The following UST variants were observed in gnomAD, a reference collection of about 807,000 sequenced individuals.
UST encodes the protein chondroitin sulfate 2-O-sulfotransferase.
Under a neutral mutation model 45.6 loss-of-function variants are expected in UST, and 21 were observed. The ratio of observed to expected loss-of-function variants is 0.46; its 90% CI spans 0.33 to 0.66. UST has a LOEUF of 0.66. Among genes scored for constraint, UST ranks in the 30% least tolerant of loss-of-function variants. The pLI, the probability that UST is intolerant of heterozygous loss-of-function variation, is 0.02. For missense variants in UST, 463 were observed against 512.4 expected (o/e 0.90, Z 0.93); for synonymous variants, 215 against 200.6 (o/e 1.07, Z -0.61).
At chr6:148,964,784 G>A in intron 5 of UST, 1 of 603,614 alleles carries the variant, frequency 1.7e-6, no homozygotes, top group Non-Finnish European at 2.8e-6. Context: ...TTCTGATTTT[G>A]CTTTGCTCAG....
rs12174263 is a variant in UST at position 148,934,851 on chromosome 6, A to G, written c.292-6428A>G. 0.12 allele frequency among the ~76,000 whole-genome samples: 17,718 copies of G among 152,158 alleles called. 2,703 individuals carry two copies. The highest frequency in any genetic ancestry group is 0.35 in the African/African-American group (14,348 of 41,454). ...TGGCCCAGAAATCTGCATTTTTAAA[A>G]GTTCTGTGAGGAATTTGAATATACA... On this transcript the variant is annotated intron_variant, in intron 2 of 7. Coordinates refer to ENST00000367463, the MANE Select transcript of UST (RefSeq NM_005715.3). This position sits in a 1 kb window ranked among gnomAD's most constrained non-coding sequence, Gnocchi z 4.1.
At chr6:149,058,344 CATGTGTGTGTGTGTGTGTGT>C (rs1776599103) in intron 7 of UST, among the ~76,000 whole-genome samples, 1 of 126,662 alleles carries the variant, frequency 7.9e-6, no homozygotes, top group Non-Finnish European at 1.6e-5. Context: ...AAAGGAGGAG[CATGTGTGTGTGTGTGTGTGT>C]GTGTGTGTGT....
At chr6:148,812,041 C>T (rs1393978062) in intron 1 of UST, among the ~76,000 whole-genome samples, 1 of 152,118 alleles carries the variant, frequency 6.6e-6, no homozygotes, top group African/African-American at 2.4e-5. Flanking sequence ...AGTGCATTTG[C>T]AATTTGTATT....
chr6:149,069,268 G>C (rs192281576), intron 7 of UST, among the ~76,000 whole-genome samples: 17 of 152,240 alleles, frequency 1.1e-4, no homozygotes, highest in African/African-American at 3.9e-4. Context: ...ATAGTAGAAG[G>C]GTTGCTGGAT....
At chr6:149,003,998 G>A (rs903411626) in intron 5 of UST, among the ~76,000 whole-genome samples, 7 of 152,116 alleles carry the variant, frequency 4.6e-5, no homozygotes, top group Admixed American at 2.0e-4. Flanking sequence ...CCGAATTACA[G>A]CAACTTAAAT....
intron 5 of UST, among the ~76,000 whole-genome samples, chr6:148,980,925 G>A (rs1116528): frequency 0.74 from 112,942 of 151,688 alleles, 42,108 homozygotes; most frequent in South Asian, 0.83. Flanking sequence ...AGGTCTCACT[G>A]TGTTACCCAG....
At chr6:148,944,543 A>ACACG in intron 3 of UST, among the ~76,000 whole-genome samples, 1 of 151,870 alleles carries the variant, frequency 6.6e-6, no homozygotes, top group Admixed American at 6.6e-5. Context: ...ACACACACAC[A>ACACG]CACAGAGCTA....
chr6:148,919,488 C>T (rs948162765), intron 2 of UST, among the ~76,000 whole-genome samples: 1 of 152,040 alleles, frequency 6.6e-6, no homozygotes, highest in African/African-American at 2.4e-5. Flanking sequence ...ACTATCAACA[C>T]CTGCTTCTAT....
rs1443900449 is a variant in UST, at chr6:148,747,647, C to G, written c.217C>G (p.Arg73Gly). ...CTATCAGCTCAGCGGGGGACCCCCT[C>G]GCTTCCTGCTCGACCTGCGGCAGTA... ...LLYQLSGGPP[R>G]FLLDLRQYLG... Residue 73 changes from arginine to glycine, a missense_variant, in exon 1 of 8, where the codon CGC becomes GGC. Physicochemically the swap from Arg to Gly is moderately radical, Grantham distance 125. This residue lies in a region of UST where 176 missense variants were observed against 138.3 expected (regional missense o/e 1.27). Transcript: ENST00000367463. 2 of 1,598,922 alleles carry G rather than the reference C, an allele frequency of 1.3e-6. No individual in the cohort carries two copies. The highest frequency in any genetic ancestry group is 8.5e-7 in the Non-Finnish European group (1 of 1,174,368).
intron 5 of UST, among the ~76,000 whole-genome samples, chr6:148,982,963 A>G (rs1314772391): frequency 6.6e-6 from 1 of 152,220 alleles, no homozygotes; most frequent in Non-Finnish European, 1.5e-5. Context: ...TTGATAAAAG[A>G]CACCTCATTT....
rs140703659 is a variant in UST, at chr6:148,952,306, G to A, written c.448-1566G>A. 4.7e-3 allele frequency among the ~76,000 whole-genome samples: 716 copies of A among 152,248 alleles called. 2 individuals carry two copies. Among genetic ancestry groups the A allele is most frequent in the Non-Finnish European group, 6.1e-3 (417 of 68,002 alleles). On this transcript the variant is annotated intron_variant, in intron 3 of 7. Coordinates refer to ENST00000367463, the MANE Select transcript of UST (RefSeq NM_005715.3). The stretch of plus-strand genomic sequence containing the variant: ...AACAAGCACTTGCAGGTGGTGTGTC[G>A]AGGATAAACAGTAGATAAAGAGGCA...
chr6:148,823,745 G>T (rs973115021), intron 1 of UST, among the ~76,000 whole-genome samples: 3 of 152,148 alleles, frequency 2.0e-5, no homozygotes, highest in African/African-American at 7.2e-5. Flanking sequence ...CTCTCTGGTG[G>T]ATTTTATCTT....
At chr6:149,067,555 G>T (rs1217085138) in intron 7 of UST, among the ~76,000 whole-genome samples, 1 of 152,094 alleles carries the variant, frequency 6.6e-6, no homozygotes, top group Non-Finnish European at 1.5e-5. Flanking sequence ...CAAACATAGG[G>T]CTGGGCCTCC....
chr6:148,747,642 C>A lies in UST; in HGVS notation c.212C>A (p.Pro71His). 1 of 1,598,938 alleles carries A rather than the reference C, an allele frequency of 6.3e-7. No individual in the cohort carries two copies. Among genetic ancestry groups the A allele is most frequent in the Non-Finnish European group, 8.5e-7 (1 of 1,174,268 alleles). The change falls in exon 1 of 8, where the codon CCC becomes CAC. Residue 71 changes from proline to histidine, a missense_variant. Pro to His is a moderately conservative substitution (Grantham distance 77). Around this residue, in one of 2 missense-constraint regions of UST, gnomAD observed 176 missense variants for 138.3 expected, o/e 1.27. Coordinates refer to ENST00000367463, the MANE Select transcript of UST (RefSeq NM_005715.3). ...CTCCTCTATCAGCTCAGCGGGGGAC[C>A]CCCTCGCTTCCTGCTCGACCTGCGG... is the stretch of plus-strand genomic sequence containing the variant. ...GSLLYQLSGG[P>H]PRFLLDLRQY...
intron 5 of UST, among the ~76,000 whole-genome samples, chr6:148,974,734 G>T (rs1261641927): frequency 6.6e-6 from 1 of 152,194 alleles, no homozygotes; most frequent in African/African-American, 2.4e-5. Flanking sequence ...TCTGCAAGAA[G>T]CCCCAGCCGC....
chr6:148,759,513 C>A (rs1776164711), intron 1 of UST, among the ~76,000 whole-genome samples: 2 of 149,364 alleles, frequency 1.3e-5, no homozygotes, highest in African/African-American at 4.9e-5. Context: ...GGCGACAGAG[C>A]GAGACTCCAT....
chr6:148,794,409 A>G (rs997361183), intron 1 of UST, among the ~76,000 whole-genome samples: 1 of 152,210 alleles, frequency 6.6e-6, no homozygotes, highest in African/African-American at 2.4e-5. Context: ...TCCACTGAAG[A>G]GAAATTTATT....
chr6:148,892,702 T>G (rs1044623519), intron 2 of UST, among the ~76,000 whole-genome samples: 3 of 152,234 alleles, frequency 2.0e-5, no homozygotes, highest in East Asian at 1.9e-4. Context: ...TCAAGGAACA[T>G]TCTACTGAAT....
At chr6:149,032,540 C>G (rs1776164241) in intron 7 of UST, 1 of 154,078 alleles carries the variant, frequency 6.5e-6, no homozygotes, top group Non-Finnish European at 1.4e-5. Flanking sequence ...ACTGCCTGAT[C>G]CAGGCATGAG....
Sources: gnomAD v4.1 joint callset for allele counts (sites outside exome capture counted in the v4.1 genomes callset) on GRCh38, gnomAD v4.1.1 for gene constraint, gnomAD v4.1.1 regional missense constraint, Gnocchi (gnomAD v3.1) non-coding constraint, MANE v1.5 for transcripts, NCBI Gene and HGNC (gene_info 2026-07-23, HGNC 2026-07-21) for gene names.